The following ABCA4 variants were observed in gnomAD, a reference collection of about 807,000 sequenced individuals.
ABCA4 encodes ATP binding cassette subfamily A member 4.
Under a neutral mutation model 263.7 loss-of-function variants are expected in ABCA4, and 196 were observed. The ratio of observed to expected loss-of-function variants is 0.74; its 90% CI spans 0.66 to 0.84. ABCA4 has a LOEUF of 0.84. ABCA4 is among the 40% of genes least tolerant of loss of function. ABCA4 has a pLI of 0.00. For synonymous variants in ABCA4, 1,133 were observed against 1,094.2 expected (o/e 1.04, Z -0.70); for missense variants, 2,792 against 2,855.1 (o/e 0.98, Z 0.50).
intron 19 of ABCA4, chr1:94,045,899 CG>C: frequency 2.2e-6 from 1 of 456,250 alleles, no homozygotes; most frequent in Non-Finnish European, 4.4e-6. Flanking sequence ...GAAACCATGG[CG>C]GGCCGTGTTC....
chr1:94,034,977 A>G (rs1039615648), intron 26 of ABCA4, among the ~76,000 whole-genome samples: 1 of 152,206 alleles, frequency 6.6e-6, no homozygotes, highest in East Asian at 1.9e-4. Flanking sequence ...ATGGGGAAAC[A>G]GGTACAAAGA....
Position 94,008,994 on chromosome 1 carries a change from C to T in ABCA4, c.5715-123G>A, listed in dbSNP as rs901670876. 6 of 1,413,272 alleles carry T rather than the reference C, an allele frequency of 4.2e-6. No individual in the cohort carries two copies. In the African/African-American group the frequency reaches 8.6e-5, roughly 20 times the overall value. The allele number at this position is 1,413,272 out of a possible 1,614,324, so 87.5% of individuals were successfully genotyped here. A position where few individuals can be genotyped will look rare whatever the true frequency, so the allele number is the denominator to read the frequency against. Reference sequence around the variant, plus strand: ...CCTTCTGGGCTTCCATCCTTTAAGACTTAAATTCTAAAAAGGGCTCCCAGC... The same window carrying T: ...CCTTCTGGGCTTCCATCCTTTAAGATTTAAATTCTAAAAAGGGCTCCCAGC... On this transcript the variant is annotated intron_variant, in intron 40 of 49. Transcript: ENST00000370225.
chr1:94,089,807 A>T (rs1036748254), intron 6 of ABCA4, among the ~76,000 whole-genome samples: 1 of 152,218 alleles, frequency 6.6e-6, no homozygotes, highest in Non-Finnish European at 1.5e-5. Context: ...ATAAATCACC[A>T]AACTTCAAAA....
At chr1:94,040,932 T>G (rs1394073038) in intron 23 of ABCA4, among the ~76,000 whole-genome samples, 1 of 152,254 alleles carries the variant, frequency 6.6e-6, no homozygotes, top group Middle Eastern at 3.2e-3. Flanking sequence ...AATAAGACAC[T>G]CACTTCTATG....
Position 93,993,089 on chromosome 1 carries a change from C to A in ABCA4, c.*148G>T. The A allele has an allele frequency of 9.8e-7, 1 of 1,020,732 alleles. No homozygotes were observed. Among genetic ancestry groups the A allele is most frequent in the African/African-American group, 1.6e-5 (1 of 62,292 alleles). The allele number at this position is 1,020,732 out of a possible 1,614,324, so 63.2% of individuals were successfully genotyped here. On this transcript the variant is annotated 3_prime_UTR_variant, in exon 50 of 50. Transcript: ENST00000370225. ...CTTCTGAAAGACCTCTTTCTGAATT[C>A]GCTGCATGCTCCTCGTGTGTTTGTT...
intron 4 of ABCA4, among the ~76,000 whole-genome samples, chr1:94,103,382 T>A (rs1557805677): frequency 1.3e-5 from 2 of 152,068 alleles, no homozygotes; most frequent in Admixed American, 6.5e-5. Flanking sequence ...CAGGGCTGGA[T>A]GGGGGTGTCA....
At chr1:94,078,545 C>T in intron 10 of ABCA4, 45 bp downstream of exon 10, 1 of 989,282 alleles carries the variant, frequency 1.0e-6, no homozygotes, top group Non-Finnish European at 1.6e-6. Context: ...CTTGCCCCCA[C>T]CGCTTCCTCC....
intron 24 of ABCA4, among the ~76,000 whole-genome samples, chr1:94,038,622 C>T (rs1660406517): frequency 6.6e-6 from 1 of 152,178 alleles, no homozygotes; most frequent in African/African-American, 2.4e-5. Flanking sequence ...GAGTCCTTTA[C>T]GTTAAGGAAG....
chr1:94,069,174 AAAC>A (rs1383930116), intron 11 of ABCA4, among the ~76,000 whole-genome samples: 4 of 152,336 alleles, frequency 2.6e-5, no homozygotes, highest in African/African-American at 7.2e-5. Flanking sequence ...CAGCTAAATC[AAAC>A]ACCTCCTTGG....
intron 26 of ABCA4, among the ~76,000 whole-genome samples, chr1:94,036,536 C>A (rs1340039358): frequency 6.6e-6 from 1 of 152,032 alleles, no homozygotes; most frequent in Non-Finnish European, 1.5e-5. Flanking sequence ...GCCACCACAC[C>A]TAGCTAATTT....
chr1:94,107,591 C>T (rs907040607), intron 4 of ABCA4, among the ~76,000 whole-genome samples: 1 of 152,222 alleles, frequency 6.6e-6, no homozygotes. Flanking sequence ...CATCCTTTCT[C>T]TTCACTCTTC....
At chr1:94,002,739 C>T (rs1030853795) in intron 44 of ABCA4, among the ~76,000 whole-genome samples, 1 of 152,196 alleles carries the variant, frequency 6.6e-6, no homozygotes, top group Non-Finnish European at 1.5e-5. Flanking sequence ...CTCTCCTCTG[C>T]AGGCTCTCCC....
chr1:94,003,354 CTT>C (rs57286064), intron 44 of ABCA4, among the ~76,000 whole-genome samples: 15 of 142,752 alleles, frequency 1.1e-4, no homozygotes, highest in African/African-American at 2.3e-4. Flanking sequence ...ATACAGTCTC[CTT>C]TTTTTTTTTT....
intron 26 of ABCA4, among the ~76,000 whole-genome samples, chr1:94,033,409 G>C (rs1453838942): frequency 7.9e-6 from 1 of 126,756 alleles, no homozygotes; most frequent in Admixed American, 8.9e-5. Flanking sequence ...GGGTGACAGA[G>C]CAAAACTCTA....
intron 6 of ABCA4, among the ~76,000 whole-genome samples, chr1:94,089,165 G>C (rs1661908560): frequency 6.6e-6 from 1 of 152,182 alleles, no homozygotes. Flanking sequence ...CTAGGTCTAT[G>C]TAGGTATAGT....
At chr1:94,030,899 G>A (rs1371854759) in intron 28 of ABCA4, 97 bp downstream of exon 28, 11 of 1,534,854 alleles carry the variant, frequency 7.2e-6, no homozygotes, top group African/African-American at 1.4e-5. Flanking sequence ...ATTGGTGAAG[G>A]TCCCAGTGAA....
At chr1:94,106,855 C>T (rs1322247638) in intron 4 of ABCA4, among the ~76,000 whole-genome samples, 2 of 152,136 alleles carry the variant, frequency 1.3e-5, no homozygotes, top group African/African-American at 4.8e-5. Flanking sequence ...TGAATCCCCT[C>T]CTTCCCTCCA....
Position 94,041,250 on chromosome 1 carries a change from G to T in ABCA4, c.3481C>A (p.Arg1161Ser). ...TGGCTCTGGATGTTTTTCATCTTGCGCACCAAGGTTAAGTACAAGCCTGTG... is the reference window on the plus strand; with the variant it reads ...TGGCTCTGGATGTTTTTCATCTTGCTCACCAAGGTTAAGTACAAGCCTGTG... ...FGTGLYLTLV[R>S]KMKNIQSQRK... The change falls in exon 23 of 50, where the codon CGC (arginine) becomes AGC (serine). Residue 1161 changes from arginine to serine, a missense_variant. Transcript: ENST00000370225. 2 of 1,614,120 alleles carry T rather than the reference G, an allele frequency of 1.2e-6. No individual in the cohort carries two copies. The highest frequency in any genetic ancestry group is 8.5e-7 in the Non-Finnish European group (1 of 1,180,036).
At chr1:94,098,343 A>G (rs1662187681) in intron 6 of ABCA4, among the ~76,000 whole-genome samples, 2 of 152,246 alleles carry the variant, frequency 1.3e-5, no homozygotes, top group Admixed American at 6.5e-5. Context: ...ATTAAAATTT[A>G]TGAAATGTTT....
Sources: gnomAD v4.1 joint callset for allele counts (sites outside exome capture counted in the v4.1 genomes callset) on GRCh38, gnomAD v4.1.1 for gene constraint, MANE v1.5 for transcripts, NCBI Gene and HGNC (gene_info 2026-07-23, HGNC 2026-07-21) for gene names.